The following CCNC variants were observed in gnomAD, a reference collection of about 807,000 sequenced individuals.
CCNC encodes cyclin C.
Under a neutral mutation model 50.0 loss-of-function variants are expected in CCNC, and 19 were observed. The observed-to-expected ratio is 0.38, with a 90% CI of 0.27 to 0.56. CCNC has a LOEUF of 0.56. CCNC is among the 20% of genes least tolerant of loss of function. The pLI, the probability that CCNC is intolerant of heterozygous loss-of-function variation, is 0.72. For synonymous variants in CCNC, 93 were observed against 103.7 expected, an observed-to-expected ratio of 0.90 and a Z score of 0.63; for missense variants, 200 against 327.1, an observed-to-expected ratio of 0.61 and a Z score of 3.00.
chr6:99,551,801 T>C (rs1444027203), intron 6 of CCNC, 39 bp downstream of exon 6: 5 of 1,255,708 alleles, frequency 4.0e-6, no homozygotes, highest in Non-Finnish European at 5.4e-6. Flanking sequence ...AGTTTATATA[T>C]AGCTTTGATA....
chr6:99,558,446 G>T, intron 5 of CCNC, 51 bp downstream of exon 5: 1 of 1,598,722 alleles, frequency 6.3e-7, no homozygotes, highest in Non-Finnish European at 8.5e-7. Flanking sequence ...ATGTACTCTG[G>T]AGCTTTCTTT....
At chr6:99,568,267 T>G (rs1384030633) in intron 1 of CCNC, 1 of 576,960 alleles carries the variant, frequency 1.7e-6, no homozygotes, top group Non-Finnish European at 3.1e-6. Flanking sequence ...GAGACGAAAC[T>G]CTCTCCCACC....
At chr6:99,562,570 C>T in intron 2 of CCNC, 1 of 275,446 alleles carries the variant, frequency 3.6e-6, no homozygotes, top group Non-Finnish European at 6.7e-6. Context: ...TTTAGCCAAC[C>T]TTGAACTGGG....
chr6:99,561,537 G>T, intron 3 of CCNC, 60 bp downstream of exon 3: 1 of 1,377,774 alleles, frequency 7.3e-7, no homozygotes, highest in Non-Finnish European at 1.0e-6. Context: ...CATTTACACT[G>T]TGCTAAGGTT....
intron 1 of CCNC, among the ~76,000 whole-genome samples, chr6:99,567,253 A>G (rs927870614): frequency 6.6e-6 from 1 of 151,966 alleles, no homozygotes; most frequent in African/African-American, 2.4e-5. Context: ...AGCTTCTTTC[A>G]GAGTTTATCA....
chr6:99,567,919 G>C (rs930136288), intron 1 of CCNC, among the ~76,000 whole-genome samples: 2 of 152,156 alleles, frequency 1.3e-5, no homozygotes, highest in African/African-American at 4.8e-5. Flanking sequence ...TAATGAAATG[G>C]ATAAATTTAG....
chr6:99,549,318 G>A, intron 9 of CCNC, 190 bp downstream of exon 9: 3 of 632,642 alleles, frequency 4.7e-6, no homozygotes, highest in East Asian at 2.9e-5. Context: ...TTACCAAAAA[G>A]GGGGTGGGGG....
intron 9 of CCNC, among the ~76,000 whole-genome samples, chr6:99,546,693 C>T (rs1486943912): frequency 6.6e-6 from 1 of 152,092 alleles, no homozygotes. Context: ...GTCCTCACTG[C>T]GTGCTAGTCA....
At chr6:99,562,778 C>A (rs200670816) in intron 2 of CCNC, 64 bp downstream of exon 2, 5 of 533,470 alleles carry the variant, frequency 9.4e-6, no homozygotes, top group South Asian at 3.3e-5. Context: ...AATTACCACA[C>A]AAAAACATTT....
intron 9 of CCNC, among the ~76,000 whole-genome samples, chr6:99,546,680 C>G (rs189565121): frequency 4.6e-5 from 7 of 152,280 alleles, no homozygotes; most frequent in Admixed American, 6.5e-5. Flanking sequence ...TTCTTGACAT[C>G]TGGTCCTCAC....
chr6:99,562,869 A>G lies in CCNC; in HGVS notation c.112T>C (p.Trp38Arg), dbSNP rs1302071936. The change falls in exon 2 of 12, where the codon TGG becomes CGG. Residue 38 changes from tryptophan (W) to arginine (R), a missense_variant. Trp to Arg is a moderately radical substitution (Grantham distance 101). Transcript: ENST00000520429. ...TTTGTAAAAAATATTTGTAACTTCC[A>G]ATATTCTTCCTCTGAGAGAAACTTT... is the stretch of plus-strand genomic sequence containing the variant. Reference protein sequence around the residue: ...DLKFLSEEEYWKLQIFFTNVI... With the variant: ...DLKFLSEEEYRKLQIFFTNVI... 1 of 1,601,646 alleles carries G rather than the reference A, an allele frequency of 6.2e-7. No individual in the cohort carries two copies.
chr6:99,560,212 AC>A (rs1802720690), intron 4 of CCNC, among the ~76,000 whole-genome samples: 1 of 152,170 alleles, frequency 6.6e-6, no homozygotes, highest in African/African-American at 2.4e-5. Flanking sequence ...TGCTTAAGAG[AC>A]TTTAAATTAT....
intron 3 of CCNC, 36 bp from the exon 4 acceptor site, chr6:99,561,472 T>A (rs577754222): frequency 2.7e-6 from 4 of 1,455,340 alleles, no homozygotes; most frequent in Non-Finnish European, 3.8e-6. Context: ...ATATCATTCA[T>A]ACAGAAAACA....
At position 99,549,172 on chromosome 6, in the gene CCNC, G is replaced by T. The variant is rs115502734; in HGVS notation, c.598+336C>A. The T allele has an allele frequency of 5.0e-4, 181 of 359,850 alleles. 1 individual carries two copies. Among genetic ancestry groups the T allele is most frequent in the African/African-American group, 3.7e-3 (176 of 47,534 alleles). The allele number at this position is 359,850 out of a possible 1,614,324, so 22.3% of individuals were successfully genotyped here. ...ATTTGTTTGGGCTCAGGATATGAAA[G>T]CCCCAATTATTTTACATGCTACAAC... On this transcript the variant is annotated intron_variant, in intron 9 of 11. Transcript: ENST00000520429.
At chr6:99,558,914 C>T (rs985699915) in intron 4 of CCNC, among the ~76,000 whole-genome samples, 2 of 152,042 alleles carry the variant, frequency 1.3e-5, no homozygotes, top group African/African-American at 4.8e-5. Context: ...TTACCTCTCC[C>T]CCAAATTGCT....
intron 5 of CCNC, among the ~76,000 whole-genome samples, chr6:99,554,709 G>T (rs1802443951): frequency 6.6e-6 from 1 of 152,040 alleles, no homozygotes; most frequent in Non-Finnish European, 1.5e-5. Flanking sequence ...CTGGCATTAA[G>T]AGATGGTCCA....
intron 5 of CCNC, among the ~76,000 whole-genome samples, chr6:99,556,053 C>G (rs1357247790): frequency 1.3e-5 from 2 of 152,156 alleles, no homozygotes; most frequent in South Asian, 2.1e-4. Flanking sequence ...TTAGTGTTCA[C>G]TGGGATGACT....
At chr6:99,565,530 A>G (rs1769087230) in intron 1 of CCNC, among the ~76,000 whole-genome samples, 1 of 151,930 alleles carries the variant, frequency 6.6e-6, no homozygotes, top group African/African-American at 2.4e-5. Context: ...CCACGTATTG[A>G]TAATTTTGTC....
intron 9 of CCNC, among the ~76,000 whole-genome samples, chr6:99,546,708 G>T (rs1349863635): frequency 6.6e-6 from 1 of 152,184 alleles, no homozygotes; most frequent in African/African-American, 2.4e-5. Flanking sequence ...TAGTCATGGT[G>T]CAGTTGCCTT....
Sources: allele counts gnomAD v4.1 joint callset (sites outside exome capture counted in the v4.1 genomes callset), GRCh38; gene constraint gnomAD v4.1.1; transcripts MANE v1.5; gene names NCBI Gene and HGNC (gene_info 2026-07-23, HGNC 2026-07-21).